Variants in LRP1B observed in about 807,000 individuals in gnomAD.
The protein encoded by LRP1B is LDL receptor related protein 1B.
LRP1B carries 217 observed loss-of-function variants against 556.6 expected under a neutral mutation model. The observed-to-expected ratio is 0.39, with a 90% CI of 0.35 to 0.44. The LOEUF is 0.44. Among genes scored for constraint, LRP1B ranks in the 20% least tolerant of loss-of-function variants. The pLI is 1.00. For missense variants in LRP1B, 5,053 were observed against 5,620.8 expected, an observed-to-expected ratio of 0.90 and a Z score of 3.23; for synonymous variants, 2,047 against 1,865.8, an observed-to-expected ratio of 1.10 and a Z score of -2.50.
chr2:140,974,885 T>G (rs1306441156), intron 18 of LRP1B, among the ~76,000 whole-genome samples: 4 of 152,136 alleles, frequency 2.6e-5, no homozygotes, highest in Non-Finnish European at 5.9e-5. Context: ...ACAGACTCCA[T>G]GAGAATCATT....
intron 1 of LRP1B, among the ~76,000 whole-genome samples, chr2:141,825,973 C>A (rs1391242023): frequency 6.6e-6 from 1 of 152,026 alleles, no homozygotes; most frequent in Admixed American, 6.5e-5. Context: ...TAACAACGCA[C>A]ATATTAATTT....
At chr2:140,945,382 A>C (rs751240575) in intron 20 of LRP1B, among the ~76,000 whole-genome samples, 4 of 152,172 alleles carry the variant, frequency 2.6e-5, no homozygotes, top group Non-Finnish European at 5.9e-5. Flanking sequence ...TCATATAGAA[A>C]ATAATTCCAA....
At chr2:142,076,076 C>T (rs1705488330) in intron 1 of LRP1B, among the ~76,000 whole-genome samples, 1 of 152,086 alleles carries the variant, frequency 6.6e-6, no homozygotes. Context: ...CCAGCTCGGA[C>T]ATAAAGCACT....
intron 2 of LRP1B, among the ~76,000 whole-genome samples, chr2:141,791,190 C>T (rs1695596891): frequency 6.6e-6 from 1 of 151,838 alleles, no homozygotes; most frequent in Non-Finnish European, 1.5e-5. Context: ...AAAAAACTTA[C>T]ATGAAAAATA....
intron 18 of LRP1B, among the ~76,000 whole-genome samples, chr2:140,978,673 A>G (rs1367600117): frequency 6.6e-6 from 1 of 152,214 alleles, no homozygotes; most frequent in Non-Finnish European, 1.5e-5. Context: ...TTCTTATAAT[A>G]ACTTTAACAG....
intron 3 of LRP1B, among the ~76,000 whole-genome samples, chr2:141,314,361 T>A (rs968586967): frequency 1.3e-5 from 2 of 152,202 alleles, no homozygotes; most frequent in African/African-American, 4.8e-5. Flanking sequence ...TTCCATATAA[T>A]TTTAAATGAA....
At chr2:141,278,329 T>C (rs929027067) in intron 3 of LRP1B, among the ~76,000 whole-genome samples, 1 of 152,126 alleles carries the variant, frequency 6.6e-6, no homozygotes, top group African/African-American at 2.4e-5. Flanking sequence ...GCTTCGGGCC[T>C]GGCAAAGATA....
intron 2 of LRP1B, among the ~76,000 whole-genome samples, chr2:141,574,985 T>A (rs1407441150): frequency 6.6e-6 from 1 of 151,996 alleles, no homozygotes; most frequent in East Asian, 1.9e-4. Context: ...AACATTCCAT[T>A]CTCACGGACA....
intron 66 of LRP1B, among the ~76,000 whole-genome samples, chr2:140,392,799 T>C (rs1684080171): frequency 6.6e-6 from 1 of 152,218 alleles, no homozygotes; most frequent in African/African-American, 2.4e-5. Flanking sequence ...AATTTAAGGA[T>C]GTTTTCATGC....
intron 14 of LRP1B, among the ~76,000 whole-genome samples, chr2:141,008,829 T>C (rs1351654362): frequency 6.6e-6 from 1 of 151,892 alleles, no homozygotes; most frequent in Non-Finnish European, 1.5e-5. Flanking sequence ...TCATTTGGAG[T>C]GCAGGCACAG....
chr2:140,735,980 C>T (rs1469445109), intron 35 of LRP1B, among the ~76,000 whole-genome samples: 1 of 152,048 alleles, frequency 6.6e-6, no homozygotes, highest in East Asian at 1.9e-4. Flanking sequence ...TCTTGGGGCA[C>T]ATTCTCGGTA....
chr2:140,250,189 T>C (rs540152758), intron 86 of LRP1B, among the ~76,000 whole-genome samples: 2 of 151,952 alleles, frequency 1.3e-5, no homozygotes, highest in Admixed American at 6.6e-5. Flanking sequence ...CAGCTCTGTA[T>C]CATTCATGTT....
intron 41 of LRP1B, among the ~76,000 whole-genome samples, chr2:140,688,625 T>A (rs544305346): frequency 6.6e-6 from 1 of 152,304 alleles, no homozygotes; most frequent in South Asian, 2.1e-4. Flanking sequence ...CTCTTCCCAA[T>A]CAGTAAGTGA....
intron 27 of LRP1B, among the ~76,000 whole-genome samples, chr2:140,866,005 A>T (rs544750951): frequency 1.3e-5 from 2 of 152,146 alleles, no homozygotes; most frequent in Admixed American, 6.6e-5. Context: ...TAGTAAATGA[A>T]GGAGAAGGAC....
At chr2:141,655,050 G>A (rs1488313525) in intron 2 of LRP1B, among the ~76,000 whole-genome samples, 2 of 152,228 alleles carry the variant, frequency 1.3e-5, no homozygotes, top group East Asian at 3.9e-4. Flanking sequence ...ATATAGAAGT[G>A]TTTTGTGGAA....
At chr2:141,516,695 T>C (rs370434044) in intron 2 of LRP1B, among the ~76,000 whole-genome samples, 81,932 of 117,278 alleles carry the variant, frequency 0.7, 28,117 homozygotes, top group East Asian at 0.81. Context: ...TCTCTCTCTT[T>C]TTTTTTTTTT....
In LRP1B at chr2:140,775,106, C is replaced by T. The variant is rs547886610; in HGVS notation, c.5500+992G>A. On this transcript the variant is annotated intron_variant, in intron 33 of 90. Coordinates refer to ENST00000389484, the MANE Select transcript of LRP1B (RefSeq NM_018557.3). Reference sequence around the variant, plus strand: ...TGAATACGTAATATGTTTTCTTCTGCTTGGGGCAAGTAAAGATTCCAAACC... The same window carrying T: ...TGAATACGTAATATGTTTTCTTCTGTTTGGGGCAAGTAAAGATTCCAAACC... 4.5e-4 allele frequency among the ~76,000 whole-genome samples: 68 copies of T among 152,060 alleles called. 1 individual carries two copies. Among genetic ancestry groups the T allele is most frequent in the South Asian group, 1.2e-3 (6 of 4,818 alleles).
intron 3 of LRP1B, among the ~76,000 whole-genome samples, chr2:141,379,272 C>CAGATTTG (rs1689550349): frequency 6.6e-6 from 1 of 151,990 alleles, no homozygotes; most frequent in Non-Finnish European, 1.5e-5. Flanking sequence ...GCAAAACTAC[C>CAGATTTG]CCACAAGAAT....
Position 142,038,288 on chromosome 2 carries a change from C to T in LRP1B, c.82+92360G>A, listed in dbSNP as rs528882782. On this transcript the variant is annotated intron_variant, in intron 1 of 90. Coordinates refer to ENST00000389484, the MANE Select transcript of LRP1B (RefSeq NM_018557.3). ...ATGCAATGATACAGTGGGTTTGGTC[C>T]CCGATGTAATTGGAGCCTTAAATTT... is the stretch of plus-strand genomic sequence containing the variant. 1.5e-3 allele frequency among the ~76,000 whole-genome samples: 234 copies of T among 151,472 alleles called. 2 individuals carry two copies. The highest frequency in any genetic ancestry group is 5.5e-3 in the African/African-American group (229 of 41,368).
Sources: gnomAD v4.1 joint callset for allele counts (sites outside exome capture counted in the v4.1 genomes callset) on GRCh38, gnomAD v4.1.1 for gene constraint, MANE v1.5 for transcripts, NCBI Gene and HGNC (gene_info 2026-07-23, HGNC 2026-07-21) for gene names.